CC2D2A: variants seen among roughly 807,000 people sequenced by gnomAD.
The protein encoded by CC2D2A is coiled-coil and C2 domain containing 2A, also known as coiled-coil and C2 domain-containing protein 2A.
A neutral mutation model predicts 212.9 loss-of-function variants in CC2D2A; 155 were observed. That is an observed-to-expected ratio of 0.73 (90% CI 0.64 to 0.83). The LOEUF (loss-of-function observed/expected upper bound fraction) is 0.83. CC2D2A is among the 40% of genes least tolerant of loss of function. CC2D2A has a pLI of 0.00. For missense variants in CC2D2A, 1,856 were observed against 1,956.2 expected (o/e 0.95, Z 0.97); for synonymous variants, 667 against 686.5 (o/e 0.97, Z 0.44).
At chr4:15,527,190 T>TA (rs753667451) in intron 11 of CC2D2A, among the ~76,000 whole-genome samples, 48 of 152,218 alleles carry the variant, frequency 3.2e-4, no homozygotes, top group Non-Finnish European at 5.1e-4. Context: ...CTTAGGCAAG[T>TA]AATGAAACCT....
chr4:15,513,488 A>G (rs770251892), intron 8 of CC2D2A, among the ~76,000 whole-genome samples: 2 of 152,222 alleles, frequency 1.3e-5, no homozygotes, highest in East Asian at 3.8e-4. Context: ...CCTTTTGCCT[A>G]TTCACTGCCC....
chr4:15,478,379 C>A (rs1714381221), intron 2 of CC2D2A, among the ~76,000 whole-genome samples: 1 of 152,156 alleles, frequency 6.6e-6, no homozygotes, highest in Admixed American at 6.5e-5. Context: ...TAGATTGTAA[C>A]TTTTAAGAGC....
At chr4:15,507,034 T>C (rs566811036) in intron 6 of CC2D2A, among the ~76,000 whole-genome samples, 23 of 149,402 alleles carry the variant, frequency 1.5e-4, no homozygotes, top group African/African-American at 5.2e-4. Flanking sequence ...GCTGAGATCA[T>C]GCCACTGCAC....
chr4:15,532,214 TAAGG>T (rs1351329532), intron 13 of CC2D2A, among the ~76,000 whole-genome samples: 26 of 152,326 alleles, frequency 1.7e-4, no homozygotes, highest in African/African-American at 5.8e-4. Context: ...TTTGCTTTTC[TAAGG>T]GCTTCAGAAA....
intron 8 of CC2D2A, among the ~76,000 whole-genome samples, chr4:15,513,115 T>A (rs923862176): frequency 5.9e-5 from 9 of 152,138 alleles, no homozygotes; most frequent in African/African-American, 1.9e-4. Flanking sequence ...GGAAATGTAC[T>A]TTTTTTACCT....
At chr4:15,596,043 T>C (rs1236230680) in intron 33 of CC2D2A, 42 bp from the exon 34 acceptor site, 6 of 1,474,982 alleles carry the variant, frequency 4.1e-6, no homozygotes, top group South Asian at 1.3e-5. Flanking sequence ...TGTGCATGTA[T>C]ACATGCTAAC....
Position 15,586,317 on chromosome 4 carries a change from T to C in CC2D2A, c.4065+71T>C, listed in dbSNP as rs1577396492. On this transcript the variant is annotated intron_variant, in intron 31 of 36. Coordinates refer to ENST00000424120, the MANE Select transcript of CC2D2A (RefSeq NM_001378615.1). ...TGAAATATTAGCTAACTGACTTGCA[T>C]AATTTTAAATTGCAACATTCATTAG... The C allele has an allele frequency of 7.8e-6, 7 of 899,922 alleles. No individual in the cohort carries two copies. The East Asian group carries it at 1.4e-4, about 18-fold the overall frequency. The allele number at this position is 899,922 out of a possible 1,614,324, so 55.7% of individuals were successfully genotyped here. A position where few individuals can be genotyped will look rare whatever the true frequency, so the allele number is the denominator to read the frequency against.
chr4:15,482,983 A>G (rs1298993321), intron 4 of CC2D2A, among the ~76,000 whole-genome samples: 1 of 152,232 alleles, frequency 6.6e-6, no homozygotes, highest in Non-Finnish European at 1.5e-5. Context: ...ATGACCATCC[A>G]GTGTCTGGGA....
chr4:15,472,948 T>C (rs1041351509), intron 1 of CC2D2A, among the ~76,000 whole-genome samples: 1 of 152,198 alleles, frequency 6.6e-6, no homozygotes, highest in Non-Finnish European at 1.5e-5. Flanking sequence ...AAGTCCCAGT[T>C]AAGATTTGGG....
intron 35 of CC2D2A, 42 bp from the exon 36 acceptor site, chr4:15,599,487 A>C (rs1721478185): frequency 1.5e-6 from 2 of 1,339,142 alleles, no homozygotes; most frequent in Non-Finnish European, 2.0e-6. Context: ...TAACAAGGGA[A>C]AAGTGAGTCA....
rs2109060174 is a variant in CC2D2A at position 15,559,208 on chromosome 4, AG to A, written c.2875del (p.Glu959AsnfsTer3). 1 of 1,553,682 alleles carries A rather than the reference AG, an allele frequency of 6.4e-7. No individual in the cohort carries two copies. On this transcript the variant is annotated frameshift_variant, in exon 22 of 37. Transcript: ENST00000424120. LOFTEE classifies it high-confidence loss of function. ...RLRDRNVIETKEHIDTHRAIV... is the reference protein window; with the variant it reads ...RLRDRNVIETXEHIDTHRAIV... ...CGAGACAGAAATGTAATAGAAACCA[AG>A]GAACACATAGACACCCATAGGGCCA... is the stretch of plus-strand genomic sequence containing the variant.
intron 23 of CC2D2A, among the ~76,000 whole-genome samples, chr4:15,562,769 G>C (rs906841058): frequency 3.3e-5 from 5 of 152,258 alleles, no homozygotes; most frequent in Non-Finnish European, 7.3e-5. Flanking sequence ...AGGGCAAAGA[G>C]TGGAGCCAGG....
At chr4:15,503,793 C>A (rs1385271265) in intron 6 of CC2D2A, among the ~76,000 whole-genome samples, 1 of 152,120 alleles carries the variant, frequency 6.6e-6, no homozygotes, top group African/African-American at 2.4e-5. Context: ...TCCAGAGACA[C>A]AGAGGAAGGG....
intron 13 of CC2D2A, 88 bp from the exon 14 acceptor site, chr4:15,533,105 G>T (rs1023730258): frequency 2.0e-5 from 21 of 1,071,050 alleles, no homozygotes; most frequent in African/African-American, 1.0e-4. Context: ...CTATCAAATT[G>T]AATATACAAT....
intron 27 of CC2D2A, among the ~76,000 whole-genome samples, chr4:15,569,951 A>C (rs75218936): frequency 6.6e-6 from 1 of 152,198 alleles, no homozygotes; most frequent in East Asian, 1.9e-4. Context: ...CATGTTTCCT[A>C]GCCGTCACTC....
chr4:15,599,945 CG>C (rs1455313716), intron 36 of CC2D2A, among the ~76,000 whole-genome samples: 3 of 151,966 alleles, frequency 2.0e-5, no homozygotes, highest in Non-Finnish European at 4.4e-5. Context: ...AATACATTTA[CG>C]TATCAAAAAA....
rs59080978 is a variant in CC2D2A, at chr4:15,584,006, G to A, written c.3976-2151G>A. Among the ~76,000 whole-genome samples, 55 of 151,350 alleles carry A rather than the reference G, an allele frequency of 3.6e-4. No individual in the cohort carries two copies. The East Asian group carries it at 0.01, about 28-fold the overall frequency. ...TACAAACACTGATGAAAGAAATTGA[G>A]GAAGGCACAAATAAATGGAAAGATA... On this transcript the variant is annotated intron_variant, in intron 30 of 36. Coordinates refer to ENST00000424120, the MANE Select transcript of CC2D2A (RefSeq NM_001378615.1).
At chr4:15,476,800 T>G (rs1357734749) in intron 2 of CC2D2A, among the ~76,000 whole-genome samples, 1 of 152,210 alleles carries the variant, frequency 6.6e-6, no homozygotes, top group African/African-American at 2.4e-5. Flanking sequence ...ATTAAAGCAC[T>G]GCCCACACCA....
intron 17 of CC2D2A, among the ~76,000 whole-genome samples, chr4:15,550,223 G>A (rs1477943842): frequency 6.6e-6 from 1 of 152,228 alleles, no homozygotes; most frequent in African/African-American, 2.4e-5. Context: ...ACACACTGCA[G>A]TGATCAGTAG....
Sources: gnomAD v4.1 joint callset for allele counts (sites outside exome capture counted in the v4.1 genomes callset) on GRCh38, gnomAD v4.1.1 for gene constraint, MANE v1.5 for transcripts, NCBI Gene and HGNC (gene_info 2026-07-23, HGNC 2026-07-21) for gene names.